Variants in DCC observed in about 807,000 individuals in gnomAD.
DCC encodes DCC netrin 1 receptor, also known as netrin receptor DCC.
DCC carries 58 observed loss-of-function variants against 172.5 expected under a neutral mutation model. The ratio of observed to expected loss-of-function variants is 0.34; its 90% CI spans 0.27 to 0.42. The LOEUF is 0.42. DCC is among the 10% of genes least tolerant of loss of function. The pLI is 1.00. For missense variants in DCC, 1,740 were observed against 1,791.0 expected (o/e 0.97, Z 0.51); for synonymous variants, 709 against 644.5 (o/e 1.10, Z -1.52).
At chr18:53,440,271 G>A (rs2088146364) in intron 22 of DCC, among the ~76,000 whole-genome samples, 1 of 152,088 alleles carries the variant, frequency 6.6e-6, no homozygotes, top group Non-Finnish European at 1.5e-5. Context: ...CCTATAATTT[G>A]TAAAATCAGT....
chr18:52,386,997 T>C (rs1165202560), intron 1 of DCC, among the ~76,000 whole-genome samples: 1 of 152,084 alleles, frequency 6.6e-6, no homozygotes, highest in Non-Finnish European at 1.5e-5. Context: ...AAGAACAAAA[T>C]GAAGCAGAAA....
chr18:53,137,925 C>A (rs1461576094), intron 7 of DCC, among the ~76,000 whole-genome samples: 1 of 151,656 alleles, frequency 6.6e-6, no homozygotes, highest in Non-Finnish European at 1.5e-5. Context: ...AAGCAGTCTT[C>A]CCACCTCAGC....
At chr18:52,738,671 A>G (rs1364398779) in intron 1 of DCC, among the ~76,000 whole-genome samples, 1 of 151,764 alleles carries the variant, frequency 6.6e-6, no homozygotes, top group Non-Finnish European at 1.5e-5. Context: ...ATTTTCTTCC[A>G]TAACAAATTC....
At chr18:53,057,793 C>T (rs1478430535) in intron 5 of DCC, among the ~76,000 whole-genome samples, 7 of 152,014 alleles carry the variant, frequency 4.6e-5, no homozygotes, top group Admixed American at 6.6e-5. Flanking sequence ...ATGAGTCCTT[C>T]CACAGAAGTG....
At chr18:52,795,567 T>G (rs1487225006) in intron 2 of DCC, among the ~76,000 whole-genome samples, 1 of 151,956 alleles carries the variant, frequency 6.6e-6, no homozygotes, top group Non-Finnish European at 1.5e-5. Context: ...TTTGTTTTAT[T>G]GGTTCTTGGC....
chr18:52,852,192 A>C (rs576444951), intron 2 of DCC, among the ~76,000 whole-genome samples: 1 of 152,272 alleles, frequency 6.6e-6, no homozygotes, highest in South Asian at 2.1e-4. Context: ...AGAAATAAAA[A>C]TCAATGTATT....
At chr18:52,409,927 G>T (rs1986787710) in intron 1 of DCC, among the ~76,000 whole-genome samples, 1 of 152,088 alleles carries the variant, frequency 6.6e-6, no homozygotes, top group East Asian at 1.9e-4. Context: ...TGTCACTGTT[G>T]CTCTTTTAAG....
intron 12 of DCC, among the ~76,000 whole-genome samples, chr18:53,217,776 A>T (rs2055876532): frequency 6.6e-6 from 1 of 152,110 alleles, no homozygotes; most frequent in South Asian, 2.1e-4. Flanking sequence ...AACTGTATTT[A>T]AAAAGAAACA....
At chr18:53,083,866 T>C (rs2042840071) in intron 7 of DCC, among the ~76,000 whole-genome samples, 1 of 152,146 alleles carries the variant, frequency 6.6e-6, no homozygotes, top group Non-Finnish European at 1.5e-5. Flanking sequence ...AGCAGAGACA[T>C]GTGAATATCA....
At chr18:53,329,782 C>A (rs1298060283) in intron 14 of DCC, among the ~76,000 whole-genome samples, 1 of 151,732 alleles carries the variant, frequency 6.6e-6, no homozygotes, top group Non-Finnish European at 1.5e-5. Flanking sequence ...AAAAGAATCC[C>A]AAGAAATTTT....
chr18:52,985,494 C>G (rs914443285), intron 5 of DCC, among the ~76,000 whole-genome samples: 3 of 152,012 alleles, frequency 2.0e-5, no homozygotes, highest in East Asian at 1.9e-4. Flanking sequence ...GAAGCTTTTA[C>G]GATATTCTAG....
At chr18:52,691,878 C>T (rs2057883941) in intron 1 of DCC, among the ~76,000 whole-genome samples, 1 of 152,178 alleles carries the variant, frequency 6.6e-6, no homozygotes, top group Non-Finnish European at 1.5e-5. Context: ...CTGAAAACCT[C>T]TTTGCTTATA....
intron 7 of DCC, among the ~76,000 whole-genome samples, chr18:53,083,056 T>G (rs1027175105): frequency 2.5e-4 from 38 of 152,086 alleles, no homozygotes; most frequent in Admixed American, 1.3e-3. Context: ...TCCCACAAAT[T>G]TTTCCAAGTC....
chr18:53,246,842 C>T (rs2056370862), intron 12 of DCC, among the ~76,000 whole-genome samples: 1 of 152,044 alleles, frequency 6.6e-6, no homozygotes, highest in Non-Finnish European at 1.5e-5. Context: ...TGAACAGTAG[C>T]AGATGGAACA....
chr18:52,721,621 C>G (rs16955425), intron 1 of DCC, among the ~76,000 whole-genome samples: 25,546 of 152,130 alleles, frequency 0.17, 2,369 homozygotes, highest in South Asian at 0.25. Context: ...GAGGACTTCA[C>G]TAAGGCACAT....
In DCC at chr18:53,391,899, A is replaced by G. The variant is rs576680665; in HGVS notation, c.2688+12A>G. On this transcript the variant is annotated intron_variant, in intron 17 of 28. Coordinates refer to ENST00000442544, the MANE Select transcript of DCC (RefSeq NM_005215.4). ...GTGCAAAATACAAGGTGAAGTTCTA[A>G]TTGATAGCATGAAATTTAAAATGAA... 1.1e-5 allele frequency: 15 copies of G among 1,399,670 alleles called. No homozygotes were observed. The highest frequency in any genetic ancestry group is 1.5e-5 in the Non-Finnish European group (15 of 984,394). The allele number at this position is 1,399,670 out of a possible 1,614,324, so 86.7% of individuals were successfully genotyped here.
chr18:53,458,811 G>A (rs1331555249), intron 23 of DCC, among the ~76,000 whole-genome samples: 1 of 152,136 alleles, frequency 6.6e-6, no homozygotes, highest in African/African-American at 2.4e-5. Flanking sequence ...CTTAGCTATT[G>A]GCATAAATTC....
chr18:53,103,051 A>T (rs2043195577), intron 7 of DCC, among the ~76,000 whole-genome samples: 1 of 152,074 alleles, frequency 6.6e-6, no homozygotes, highest in Admixed American at 6.6e-5. Flanking sequence ...TTGTCTTGTT[A>T]TTTATACGTT....
intron 2 of DCC, among the ~76,000 whole-genome samples, chr18:52,776,638 G>A (rs1040609983): frequency 3.3e-5 from 5 of 152,072 alleles, no homozygotes; most frequent in African/African-American, 7.2e-5. Context: ...GGGGATGGGC[G>A]GGGAAAGCTT....
Sources: allele counts gnomAD v4.1 joint callset (sites outside exome capture counted in the v4.1 genomes callset), GRCh38; gene constraint gnomAD v4.1.1; transcripts MANE v1.5; gene names NCBI Gene and HGNC (gene_info 2026-07-23, HGNC 2026-07-21).